Variants in UBXN11 observed in about 807,000 individuals in gnomAD.
The protein encoded by UBXN11 is UBX domain protein 11.
In UBXN11, 47 loss-of-function variants were observed where a neutral mutation model predicts 62.8. The observed-to-expected ratio is 0.75, with a 90% CI of 0.59 to 0.95. UBXN11 has a LOEUF of 0.95. UBXN11 is among the 40% of genes least tolerant of loss of function. UBXN11 has a pLI of 0.00. For missense variants in UBXN11, 638 were observed against 661.7 expected, an observed-to-expected ratio of 0.96 and a Z score of 0.39; for synonymous variants, 294 against 267.0, an observed-to-expected ratio of 1.10 and a Z score of -0.99.
At chr1:26,317,855 A>G in intron 1 of UBXN11, 1 of 627,826 alleles carries the variant, frequency 1.6e-6, no homozygotes, top group Non-Finnish European at 2.9e-6. Flanking sequence ...GCAGAAAGGA[A>G]GCCACACCCC....
chr1:26,282,614 G>T, intron 14 of UBXN11, 35 bp downstream of exon 14: 1 of 1,613,036 alleles, frequency 6.2e-7, no homozygotes. Context: ...TGGGACCAGA[G>T]CCCCTCTGTG....
intron 4 of UBXN11, among the ~76,000 whole-genome samples, chr1:26,298,780 GA>G (rs11368453): frequency 0.02 from 1,250 of 61,702 alleles, 14 homozygotes; most frequent in African/African-American, 0.052. Flanking sequence ...CTCTGTCTCA[GA>G]AAAAAAAAAA....
chr1:26,304,534 C>T (rs2073615456), intron 1 of UBXN11, among the ~76,000 whole-genome samples: 1 of 152,146 alleles, frequency 6.6e-6, no homozygotes, highest in African/African-American at 2.4e-5. Context: ...GGGTGGATCA[C>T]CTAAGGTCAG....
At chr1:26,302,983 T>A in intron 1 of UBXN11, 65 bp from the exon 2 acceptor site, 1 of 1,148,698 alleles carries the variant, frequency 8.7e-7, no homozygotes, top group South Asian at 1.4e-5. Context: ...GGGGGTAGCC[T>A]GAAGTTTCCA....
At chr1:26,298,574 T>C (rs1299933878) in intron 4 of UBXN11, among the ~76,000 whole-genome samples, 1 of 151,982 alleles carries the variant, frequency 6.6e-6, no homozygotes, top group Non-Finnish European at 1.5e-5. Context: ...GGTGGATCAC[T>C]TGAGGCCAGG....
At chr1:26,287,562 G>A (rs747081029) in intron 8 of UBXN11, among the ~76,000 whole-genome samples, 5 of 151,920 alleles carry the variant, frequency 3.3e-5, no homozygotes, top group Non-Finnish European at 5.9e-5. Flanking sequence ...AGCAGGCTGC[G>A]GCAGGATGTG....
rs2073108998 is a variant in UBXN11, at chr1:26,285,548, G to A, written c.775-7C>T. The A allele has an allele frequency of 9.5e-6, 15 of 1,571,300 alleles. No homozygotes were observed. Among genetic ancestry groups the A allele is most frequent in the Non-Finnish European group, 1.3e-5 (15 of 1,153,670 alleles). On this transcript the variant is annotated splice_region_variant and splice_polypyrimidine_tract_variant and intron_variant, in intron 9 of 14. Transcript: ENST00000374222. ...ATATGTCTCGGAGGCAGCGCTGCAA[G>A]GGAAGAGGAAAAGTGAGGGGGTGGC...
At chr1:26,318,271 C>T (rs777511856) in exon 1 of UBXN11, 12 of 573,020 alleles carry the variant, frequency 2.1e-5, no homozygotes, top group Admixed American at 6.0e-5. Flanking sequence ...GCACTGCTTG[C>T]GGGCTGCCCT....
intron 8 of UBXN11, among the ~76,000 whole-genome samples, chr1:26,290,933 G>A (rs960361641): frequency 1.5e-4 from 23 of 152,130 alleles, no homozygotes; most frequent in African/African-American, 5.3e-4. Flanking sequence ...ACCAGAGCAG[G>A]ACTGTCCCTT....
chr1:26,292,870 G>T (rs1297875618), intron 8 of UBXN11, among the ~76,000 whole-genome samples: 1 of 151,792 alleles, frequency 6.6e-6, no homozygotes, highest in Admixed American at 6.6e-5. Flanking sequence ...AAAAAAGAAA[G>T]CTGCAAATGG....
intron 1 of UBXN11, among the ~76,000 whole-genome samples, chr1:26,313,764 TTTAC>T (rs912780811): frequency 1.0e-4 from 15 of 149,432 alleles, no homozygotes; most frequent in African/African-American, 3.4e-4. Context: ...CATTTGGTTC[TTTAC>T]TATAATTTTT....
chr1:26,307,969 G>A (rs2073698380), upstream of UBXN11, among the ~76,000 whole-genome samples: 1 of 152,096 alleles, frequency 6.6e-6, no homozygotes, highest in African/African-American at 2.4e-5. Context: ...ATGGTAACAT[G>A]AAATTTACAG....
At position 26,300,988 on chromosome 1, in the gene UBXN11, G is replaced by A. The variant is rs150337275; in HGVS notation, c.137C>T (p.Ser46Leu). The change falls in exon 4 of 15, where the codon TCA becomes TTA. Residue 46 changes from serine to leucine, a missense_variant. Physicochemically the swap from Ser to Leu is moderately radical, Grantham distance 145. Transcript: ENST00000374222. ...GGAAGGGACTGAGATCTTTTCTTCT[G>A]AGCCACACCCATCACTCAACATGTC... ...EVDMLSDGCG[S>L]EEKISVPSCY... 2.5e-4 allele frequency: 400 copies of A among 1,614,206 alleles called. 1 individual carries two copies. The African/African-American group carries it at 3.8e-3, about 15-fold the overall frequency.
At chr1:26,284,086 C>G (rs1286414865) in intron 12 of UBXN11, 56 bp downstream of exon 12, 2 of 1,514,534 alleles carry the variant, frequency 1.3e-6, no homozygotes, top group East Asian at 2.3e-5. Flanking sequence ...CAGGCTGGAC[C>G]AGGGCTGGTG....
intron 4 of UBXN11, among the ~76,000 whole-genome samples, chr1:26,298,899 C>T (rs2073460220): frequency 6.6e-6 from 1 of 151,922 alleles, no homozygotes; most frequent in Non-Finnish European, 1.5e-5. Flanking sequence ...AAGCAGGAAC[C>T]GCGGCCATCA....
At chr1:26,315,880 G>C (rs2073785719) in intron 1 of UBXN11, among the ~76,000 whole-genome samples, 1 of 151,462 alleles carries the variant, frequency 6.6e-6, no homozygotes, top group Non-Finnish European at 1.5e-5. Flanking sequence ...GGCTGGTCTA[G>C]AACTCCTGAC....
At chr1:26,309,940 T>A (rs556881850), upstream of UBXN11, among the ~76,000 whole-genome samples, 10 of 152,332 alleles carry the variant, frequency 6.6e-5, no homozygotes, top group Admixed American at 5.2e-4. Flanking sequence ...TGAAAAGGTG[T>A]TCTTCTTTTC....
chr1:26,291,501 G>A (rs1221749454), intron 8 of UBXN11, among the ~76,000 whole-genome samples: 1 of 152,214 alleles, frequency 6.6e-6, no homozygotes, highest in African/African-American at 2.4e-5. Flanking sequence ...GGCACTCAGA[G>A]CACAAACAAC....
At chr1:26,298,202 A>G in intron 4 of UBXN11, 140 bp from the exon 5 acceptor site, 1 of 788,802 alleles carries the variant, frequency 1.3e-6, no homozygotes. Context: ...GAACTGTTCT[A>G]AACACTTCAT....
Sources: gnomAD v4.1 joint callset for allele counts (sites outside exome capture counted in the v4.1 genomes callset) on GRCh38, gnomAD v4.1.1 for gene constraint, MANE v1.5 for transcripts, NCBI Gene and HGNC (gene_info 2026-07-23, HGNC 2026-07-21) for gene names.